The following GABRA2 variants were observed in gnomAD, a reference collection of about 807,000 sequenced individuals.
GABRA2 encodes the protein gamma-aminobutyric acid type A receptor subunit alpha2, also known as gamma-aminobutyric acid receptor subunit alpha-2.
GABRA2 carries 16 observed loss-of-function variants against 48.7 expected under a neutral mutation model. The observed-to-expected ratio is 0.33, with a 90% CI of 0.22 to 0.50. The LOEUF is 0.50. Among genes scored for constraint, GABRA2 ranks in the 20% least tolerant of loss-of-function variants. The probability of loss-of-function intolerance (pLI) is 0.98; values close to 1 mark genes in which losing one functional copy is unlikely to be tolerated. For missense variants in GABRA2, 275 were observed against 535.6 expected (o/e 0.51, Z 4.80); for synonymous variants, 185 against 184.5 (o/e 1.00, Z -0.02).
Position 46,250,444 on chromosome 4 carries a change from G to T in GABRA2, c.1220C>A (p.Ala407Glu), listed in dbSNP as rs370262263. 2.6e-5 allele frequency: 42 copies of T among 1,611,966 alleles called. No homozygotes were observed. In the Middle Eastern group the frequency reaches 9.9e-4, roughly 38 times the overall value. Reference protein sequence around the residue: ...NKKPENKPAEAKKTFNSVSKI... With the variant: ...NKKPENKPAEEKKTFNSVSKI... The stretch of plus-strand genomic sequence containing the variant: ...GCTAACACTGTTGAAAGTTTTCTTT[G>T]CTTCAGCTGGCTTGTTTTCTGGCTT... Residue 407 changes from alanine to glutamate, a missense_variant, in exon 10 of 10, where the codon GCA becomes GAA. Physicochemically the swap from Ala to Glu is moderately radical, Grantham distance 107. This residue lies in a region of GABRA2 where 99 missense variants were observed against 124.3 expected (regional missense o/e 0.80). Transcript: ENST00000381620.
rs150947790 is a variant in GABRA2, at chr4:46,273,810, C to T, written c.857-11682G>A. Among the ~76,000 whole-genome samples, 4 of 152,062 alleles carry T rather than the reference C, an allele frequency of 2.6e-5. No individual in the cohort carries two copies. In the East Asian group the frequency reaches 7.8e-4, roughly 30 times the overall value. ...GCCATGATCCTGAGGTTCAGGAAGG[C>T]TTGCCAACACTAGACTGCCTTCCAG... On this transcript the variant is annotated intron_variant, in intron 8 of 9. Transcript: ENST00000381620.
At chr4:46,317,599 G>T (rs947533586) in intron 4 of GABRA2, among the ~76,000 whole-genome samples, 1 of 151,428 alleles carries the variant, frequency 6.6e-6, no homozygotes, top group Non-Finnish European at 1.5e-5. Flanking sequence ...ACTTATTTTT[G>T]ATTAAACTAG....
At chr4:46,306,141 C>A (rs112704350) in intron 6 of GABRA2, among the ~76,000 whole-genome samples, 6 of 152,146 alleles carry the variant, frequency 3.9e-5, no homozygotes, top group African/African-American at 1.4e-4. Context: ...ATAAATGTAG[C>A]CTAGTTAAGA....
intron 8 of GABRA2, chr4:46,302,526 C>T (rs1725925815): frequency 6.6e-6 from 1 of 152,144 alleles, no homozygotes; most frequent in South Asian, 2.1e-4. Flanking sequence ...TGAGGTCTCT[C>T]TTCCTCCCTC....
chr4:46,330,374 G>C (rs1042188454), intron 4 of GABRA2, among the ~76,000 whole-genome samples: 1 of 151,738 alleles, frequency 6.6e-6, no homozygotes, highest in African/African-American at 2.4e-5. Context: ...TTTTAAATAC[G>C]TTAGCAATCC....
chr4:46,367,750 C>A (rs971125399), intron 3 of GABRA2: 1 of 152,104 alleles, frequency 6.6e-6, no homozygotes, highest in Admixed American at 6.6e-5. Flanking sequence ...TGAGATATGA[C>A]CTGTGTCACC....
intron 3 of GABRA2, among the ~76,000 whole-genome samples, chr4:46,357,205 C>T (rs1157783549): frequency 6.6e-6 from 1 of 151,684 alleles, no homozygotes. Context: ...ATTAAGGAGC[C>T]TGACTATGAC....
chr4:46,360,044 G>A (rs1398685362), intron 3 of GABRA2, among the ~76,000 whole-genome samples: 1 of 152,140 alleles, frequency 6.6e-6, no homozygotes, highest in Non-Finnish European at 1.5e-5. Context: ...ACTAGCTAGG[G>A]AGCAATGAAA....
chr4:46,368,982 C>G (rs573189556), intron 3 of GABRA2: 1 of 700,784 alleles, frequency 1.4e-6, no homozygotes, highest in Non-Finnish European at 2.6e-6. Flanking sequence ...CTATGTTACA[C>G]AGACTGGAGA....
chr4:46,368,947 G>T, intron 3 of GABRA2: 1 of 695,974 alleles, frequency 1.4e-6, no homozygotes, highest in Non-Finnish European at 2.6e-6. Context: ...TTGAGTTTGG[G>T]TCCCTTTGTT....
intron 3 of GABRA2, among the ~76,000 whole-genome samples, chr4:46,385,426 A>T (rs934493985): frequency 3.3e-5 from 5 of 151,978 alleles, no homozygotes; most frequent in Non-Finnish European, 7.4e-5. Context: ...TGAATTAAAA[A>T]TTTTAATTTT....
chr4:46,352,328 T>C (rs1208368091), intron 3 of GABRA2, among the ~76,000 whole-genome samples: 4 of 151,926 alleles, frequency 2.6e-5, no homozygotes, highest in East Asian at 3.9e-4. Context: ...CTGAACTCTG[T>C]TTACAACTGT....
chr4:46,291,778 T>C (rs531693169), intron 8 of GABRA2, among the ~76,000 whole-genome samples: 202 of 143,774 alleles, frequency 1.4e-3, no homozygotes, highest in African/African-American at 4.1e-3. Flanking sequence ...AACACACACA[T>C]ATATATATAT....
chr4:46,279,759 AG>A (rs1721163304), intron 8 of GABRA2, among the ~76,000 whole-genome samples: 2 of 152,126 alleles, frequency 1.3e-5, no homozygotes, highest in South Asian at 4.1e-4. Flanking sequence ...CAGGAAACTT[AG>A]GGATCATGTG....
intron 4 of GABRA2, among the ~76,000 whole-genome samples, chr4:46,315,227 G>T (rs1728351287): frequency 6.7e-6 from 1 of 148,782 alleles, no homozygotes; most frequent in South Asian, 2.1e-4. Flanking sequence ...CCATTTCTCT[G>T]ATGATTGGTG....
intron 4 of GABRA2, among the ~76,000 whole-genome samples, chr4:46,318,838 A>C (rs1728974463): frequency 6.6e-6 from 1 of 151,740 alleles, no homozygotes; most frequent in Admixed American, 6.6e-5. Context: ...GCTTATACAC[A>C]GGAGAAGTGA....
intron 3 of GABRA2, among the ~76,000 whole-genome samples, chr4:46,372,760 G>C (rs1294500436): frequency 2.6e-5 from 4 of 152,136 alleles, no homozygotes. Context: ...GGTATAAAAA[G>C]CCACTTGAGA....
chr4:46,330,755 G>A (rs537816454), intron 4 of GABRA2, among the ~76,000 whole-genome samples: 1 of 151,768 alleles, frequency 6.6e-6, no homozygotes, highest in South Asian at 2.1e-4. Context: ...TTGCCTTTCT[G>A]TTTTGGCTGA....
intron 8 of GABRA2, among the ~76,000 whole-genome samples, chr4:46,279,100 G>T (rs1024864154): frequency 2.0e-5 from 3 of 151,952 alleles, no homozygotes; most frequent in Admixed American, 6.6e-5. Context: ...AGCTTTGTGC[G>T]CCGTGTTTCC....
Sources: allele counts gnomAD v4.1 joint callset (sites outside exome capture counted in the v4.1 genomes callset), GRCh38; gene constraint gnomAD v4.1.1; regional missense constraint gnomAD v4.1.1; transcripts MANE v1.5; gene names NCBI Gene and HGNC (gene_info 2026-07-23, HGNC 2026-07-21).